Variants in DPP10 observed in about 807,000 individuals in gnomAD.
DPP10 encodes the protein dipeptidyl peptidase like 10.
Under a neutral mutation model 120.9 loss-of-function variants are expected in DPP10, and 33 were observed. That is an observed-to-expected ratio of 0.27 (90% CI 0.21 to 0.37). The LOEUF is 0.37. DPP10 is among the 10% of genes least tolerant of loss of function. The probability of loss-of-function intolerance (pLI) is 1.00; values close to 1 mark genes in which losing one functional copy is unlikely to be tolerated. For synonymous variants in DPP10, 337 were observed against 326.1 expected (o/e 1.03, Z -0.36); for missense variants, 816 against 942.8 (o/e 0.87, Z 1.76).
intron 3 of DPP10, among the ~76,000 whole-genome samples, chr2:115,409,564 A>G (rs1411184473): frequency 6.6e-6 from 1 of 152,222 alleles, no homozygotes; most frequent in African/African-American, 2.4e-5. Flanking sequence ...CTGCTAGTGG[A>G]AATGTAAACT....
At chr2:115,071,566 G>A (rs533551163) in intron 1 of DPP10, among the ~76,000 whole-genome samples, 4 of 152,224 alleles carry the variant, frequency 2.6e-5, no homozygotes, top group Admixed American at 1.3e-4. Context: ...GTCTGGATTC[G>A]GTGATCAGGT....
At chr2:115,805,946 C>T (rs1039233707) in intron 19 of DPP10, among the ~76,000 whole-genome samples, 4 of 152,126 alleles carry the variant, frequency 2.6e-5, no homozygotes, top group South Asian at 2.1e-4. Flanking sequence ...TTCTAATCCC[C>T]GTTTTTGCAG....
chr2:115,071,917 AC>A (rs1707400541), intron 1 of DPP10, among the ~76,000 whole-genome samples: 2 of 152,178 alleles, frequency 1.3e-5, no homozygotes, highest in South Asian at 4.1e-4. Flanking sequence ...CTTGGCAATG[AC>A]ACTGAGGCAA....
At chr2:115,785,451 G>A (rs528177189) in intron 17 of DPP10, among the ~76,000 whole-genome samples, 2 of 152,172 alleles carry the variant, frequency 1.3e-5, no homozygotes, top group Admixed American at 1.3e-4. Context: ...TTTGAATATG[G>A]ATCCATCTGG....
intron 5 of DPP10, among the ~76,000 whole-genome samples, chr2:115,633,948 T>G (rs571284248): frequency 3.3e-5 from 5 of 152,330 alleles, no homozygotes; most frequent in Admixed American, 1.3e-4. Context: ...TCTTTTTACA[T>G]AATCTCATAG....
chr2:115,297,478 TA>T (rs2060936778), intron 1 of DPP10, among the ~76,000 whole-genome samples: 1 of 152,108 alleles, frequency 6.6e-6, no homozygotes, highest in Non-Finnish European at 1.5e-5. Context: ...TTTGACATTC[TA>T]AAAGTAACTT....
intron 1 of DPP10, among the ~76,000 whole-genome samples, chr2:114,636,791 A>G (rs1279597518): frequency 1.3e-5 from 2 of 151,888 alleles, no homozygotes; most frequent in Non-Finnish European, 2.9e-5. Context: ...TCCCAACAGT[A>G]TACCTCCTTA....
Position 114,967,555 on chromosome 2 carries a change from T to C in DPP10, c.61-341684T>C, listed in dbSNP as rs1318937065. Among the ~76,000 whole-genome samples, 28 of 152,240 alleles carry C rather than the reference T, an allele frequency of 1.8e-4. No individual in the cohort carries two copies. In the East Asian group the frequency reaches 4.4e-3, roughly 24 times the overall value. The stretch of plus-strand genomic sequence containing the variant: ...TGGGGGACAAGGCAGGGAAAGTATA[T>C]GTGAGGAAATTACTATGAATGATCA... On this transcript the variant is annotated intron_variant, in intron 1 of 25. Transcript: ENST00000410059.
intron 1 of DPP10, among the ~76,000 whole-genome samples, chr2:114,880,954 A>C (rs752568134): frequency 1.3e-5 from 2 of 152,134 alleles, no homozygotes; most frequent in Non-Finnish European, 2.9e-5. Context: ...AAGGACACGA[A>C]CTAGCAGCTG....
chr2:114,922,837 T>C (rs1695300748), intron 1 of DPP10, among the ~76,000 whole-genome samples: 1 of 152,250 alleles, frequency 6.6e-6, no homozygotes, highest in South Asian at 2.1e-4. Context: ...CTACTATGGC[T>C]AATGTTGCTC....
intron 1 of DPP10, among the ~76,000 whole-genome samples, chr2:115,102,077 C>T (rs1157604232): frequency 6.6e-6 from 1 of 152,228 alleles, no homozygotes; most frequent in Non-Finnish European, 1.5e-5. Flanking sequence ...GTGACTTACA[C>T]AACAGACATT....
intron 1 of DPP10, among the ~76,000 whole-genome samples, chr2:115,143,582 C>T (rs2051046900): frequency 1.3e-5 from 2 of 152,240 alleles, no homozygotes; most frequent in South Asian, 4.1e-4. Context: ...CAGTTAATGC[C>T]ATAAGCACAA....
intron 3 of DPP10, among the ~76,000 whole-genome samples, chr2:115,392,903 A>G (rs1360581824): frequency 6.6e-6 from 1 of 152,162 alleles, no homozygotes; most frequent in Non-Finnish European, 1.5e-5. Context: ...ATTACCTTCA[A>G]AATAGTCATA....
At chr2:115,091,712 A>C (rs1486452088) in intron 1 of DPP10, among the ~76,000 whole-genome samples, 1 of 152,180 alleles carries the variant, frequency 6.6e-6, no homozygotes, top group Admixed American at 6.5e-5. Context: ...GTCCCTTGTT[A>C]GTTATGCTTT....
intron 1 of DPP10, among the ~76,000 whole-genome samples, chr2:114,963,122 T>C (rs1698768376): frequency 6.6e-6 from 1 of 152,220 alleles, no homozygotes; most frequent in African/African-American, 2.4e-5. Context: ...TTGCATATAC[T>C]TATACACGAG....
intron 8 of DPP10, among the ~76,000 whole-genome samples, chr2:115,731,467 A>G (rs1300423329): frequency 6.6e-6 from 1 of 150,654 alleles, no homozygotes; most frequent in Admixed American, 6.6e-5. Flanking sequence ...TTGAGGCTGC[A>G]GTGAGCCAAG....
intron 19 of DPP10, among the ~76,000 whole-genome samples, chr2:115,800,008 A>T (rs1286578534): frequency 6.6e-6 from 1 of 151,570 alleles, no homozygotes; most frequent in Non-Finnish European, 1.5e-5. Context: ...AGGAATCGCC[A>T]CACCGACTTC....
intron 1 of DPP10, among the ~76,000 whole-genome samples, chr2:115,140,309 G>A (rs1340657732): frequency 6.6e-6 from 1 of 152,176 alleles, no homozygotes; most frequent in Admixed American, 6.5e-5. Context: ...GAAACAGCAG[G>A]AACAGCTCGG....
chr2:114,983,016 G>T (rs188297594), intron 1 of DPP10, among the ~76,000 whole-genome samples: 20 of 152,114 alleles, frequency 1.3e-4, no homozygotes, highest in Admixed American at 1.3e-3. Flanking sequence ...GTGACTTTAG[G>T]TTTGAAATCA....
Sources: allele counts gnomAD v4.1 joint callset (sites outside exome capture counted in the v4.1 genomes callset), GRCh38; gene constraint gnomAD v4.1.1; transcripts MANE v1.5; gene names NCBI Gene and HGNC (gene_info 2026-07-23, HGNC 2026-07-21).